MAOB: variants seen among roughly 807,000 people sequenced by gnomAD.
MAOB encodes the protein amine oxidase [flavin-containing] B.
MAOB carries 15 observed loss-of-function variants against 41.9 expected under a neutral mutation model. The ratio of observed to expected loss-of-function variants is 0.36; its 90% CI spans 0.24 to 0.55. The LOEUF is 0.55. MAOB is among the 20% of genes least tolerant of loss of function. The pLI, the probability that MAOB is intolerant of heterozygous loss-of-function variation, is 0.86. For missense variants in MAOB, 345 were observed against 398.7 expected (o/e 0.87, Z 1.15); for synonymous variants, 167 against 144.2 (o/e 1.16, Z -1.13).
chrX:43,845,309 C>A lies in MAOB; in HGVS notation c.47-1545G>T, dbSNP rs192620289. On this transcript the variant is annotated intron_variant, in intron 1 of 14. Transcript: ENST00000378069. ...GCCAAGATGCTCTCATGCCTTACAA[C>A]GTAAATAAAACCGCTTCTATCTTGT... 2.7e-5 allele frequency among the ~76,000 whole-genome samples: 3 copies of A among 111,724 alleles called. No homozygotes were observed. In the East Asian group the frequency reaches 8.4e-4, roughly 31 times the overall value.
Position 43,795,884 on chromosome X carries a change from C to T in MAOB, c.623G>A (p.Arg208Lys). ...TTGACCAGATCCGCCCACAAATTTC[C>T]TCTCCTGGAAAGAGAAAAGGAGGTG... ...IISTTNGGQERKFVGGSGQVS... is the reference protein window; with the variant it reads ...IISTTNGGQEKKFVGGSGQVS... Residue 208 changes from arginine (R) to lysine (K), a missense_variant, in exon 7 of 15, where the codon AGG (arginine) becomes AAG (lysine). Transcript: ENST00000378069. 2.5e-6 allele frequency: 3 copies of T among 1,207,076 alleles called. No homozygotes were observed. The highest frequency in any genetic ancestry group is 3.4e-6 in the Non-Finnish European group (3 of 893,966).
At chrX:43,820,440 G>T (rs1048590354) in intron 3 of MAOB, among the ~76,000 whole-genome samples, 7 of 112,073 alleles carry the variant, frequency 6.2e-5, no homozygotes, top group Non-Finnish European at 1.1e-4. Context: ...TTTCACTACA[G>T]ACATAAAGTG....
intron 7 of MAOB, among the ~76,000 whole-genome samples, chrX:43,794,922 T>C (rs578110208): frequency 3.7e-5 from 4 of 108,382 alleles, no homozygotes; most frequent in Middle Eastern, 4.7e-3. Flanking sequence ...TGGAAAAAAG[T>C]GCTTTTTTCC....
At chrX:43,831,209 G>A (rs1259916238) in intron 3 of MAOB, among the ~76,000 whole-genome samples, 3 of 111,494 alleles carry the variant, frequency 2.7e-5, no homozygotes, top group African/African-American at 6.5e-5. Context: ...TGTAACCCAG[G>A]AGACTGCTGC....
At chrX:43,881,194 C>T (rs1051309352) in intron 1 of MAOB, among the ~76,000 whole-genome samples, 1 of 113,205 alleles carries the variant, frequency 8.8e-6, no homozygotes, top group African/African-American at 3.2e-5. Flanking sequence ...ACCAAACATC[C>T]AATGCCTTGG....
chrX:43,769,311 C>T lies in MAOB; in HGVS notation c.1343G>A (p.Arg448Gln), dbSNP rs1214624832. Reference protein sequence around the residue: ...GAVEAGERAAREILHAMGKIP... With the variant: ...GAVEAGERAAQEILHAMGKIP... ...ATCTATGACCCCAGACCCTACCTCT[C>T]GGGCTGCTCTCTCCCCGGCCTCTAC... Residue 448 changes from arginine (R) to glutamine (Q), a missense_variant, in exon 13 of 15, where the codon CGA becomes CAA. Physicochemically the swap from Arg to Gln is conservative, Grantham distance 43 (BLOSUM62 1). Transcript: ENST00000378069. 4 of 1,202,600 alleles carry T rather than the reference C, an allele frequency of 3.3e-6. No homozygotes were observed. The highest frequency in any genetic ancestry group is 3.6e-5 in the African/African-American group (2 of 55,991).
In MAOB at chrX:43,843,684, T is replaced by C; in HGVS notation, c.127A>G (p.Thr43Ala). Residue 43 changes from threonine (T) to alanine (A), a missense_variant, in exon 2 of 15, where the codon ACT (threonine) becomes GCT (alanine). Coordinates refer to ENST00000378069, the MANE Select transcript of MAOB (RefSeq NM_000898.5). ...TAATGCCTTACCCTAAGAGTGTAAG[T>C]CCTGCCTCCCACACGGTCCCGGGCT... ...LEARDRVGGR[T>A]YTLRNQKVKY... 2.5e-6 allele frequency: 3 copies of C among 1,210,821 alleles called. No individual in the cohort carries two copies. Among genetic ancestry groups the C allele is most frequent in the Non-Finnish European group, 3.4e-6 (3 of 895,003 alleles).
intron 6 of MAOB, among the ~76,000 whole-genome samples, chrX:43,796,296 G>A (rs1054418831): frequency 2.7e-5 from 3 of 111,147 alleles, no homozygotes; most frequent in African/African-American, 9.8e-5. Context: ...TGGCTCAAGC[G>A]CAGAACTTCC....
intron 3 of MAOB, among the ~76,000 whole-genome samples, chrX:43,820,189 G>C (rs1051157317): frequency 3.6e-5 from 4 of 111,948 alleles, no homozygotes; most frequent in African/African-American, 1.3e-4. Flanking sequence ...AGCTGTATTA[G>C]CTTAAGTACA....
At chrX:43,780,439 T>G in intron 9 of MAOB, 44 bp from the exon 10 acceptor site, 1 of 1,025,874 alleles carries the variant, frequency 9.7e-7, no homozygotes, top group Non-Finnish European at 1.4e-6. Context: ...TAATGGTTGG[T>G]TTCATCCTAG....
At chrX:43,877,535 G>A (rs998785730) in intron 1 of MAOB, among the ~76,000 whole-genome samples, 6 of 111,474 alleles carry the variant, frequency 5.4e-5, no homozygotes, top group Non-Finnish European at 1.1e-4. Flanking sequence ...TGTAGATAAC[G>A]CTTGATATGC....
chrX:43,878,250 A>G, intron 1 of MAOB, among the ~76,000 whole-genome samples: 1 of 111,237 alleles, frequency 9.0e-6, no homozygotes, highest in Middle Eastern at 4.7e-3. Context: ...TCCCCCTCCC[A>G]GTCTTTTTTT....
intron 3 of MAOB, among the ~76,000 whole-genome samples, chrX:43,818,279 A>G (rs1490732728): frequency 8.9e-6 from 1 of 112,433 alleles, no homozygotes; most frequent in African/African-American, 3.2e-5. Context: ...GTTGATACAC[A>G]GTTGGGTTGT....
At chrX:43,878,660 G>A (rs2035455384) in intron 1 of MAOB, among the ~76,000 whole-genome samples, 1 of 111,236 alleles carries the variant, frequency 9.0e-6, no homozygotes, top group Admixed American at 9.6e-5. Context: ...GGAGCCCAGG[G>A]AAGTTCTCCA....
intron 5 of MAOB, among the ~76,000 whole-genome samples, chrX:43,797,640 TC>T (rs1250425126): frequency 9.0e-6 from 1 of 111,491 alleles, no homozygotes; most frequent in Non-Finnish European, 1.9e-5. Flanking sequence ...CCATCAATCT[TC>T]CCCCATCCAA....
chrX:43,816,206 ATGTGTAAT>A (rs2034812578), intron 3 of MAOB, among the ~76,000 whole-genome samples: 1 of 111,796 alleles, frequency 8.9e-6, no homozygotes, highest in African/African-American at 3.3e-5. Context: ...CTCCTTGGGG[ATGTGTAAT>A]GCCAGTAAGG....
intron 9 of MAOB, among the ~76,000 whole-genome samples, chrX:43,781,229 A>T (rs1048810250): frequency 4.5e-5 from 5 of 112,144 alleles, no homozygotes; most frequent in African/African-American, 1.6e-4. Flanking sequence ...TAAAAATTTT[A>T]AAATGTTATT....
chrX:43,841,527 A>G (rs2147164757), intron 2 of MAOB, among the ~76,000 whole-genome samples: 1 of 112,047 alleles, frequency 8.9e-6, no homozygotes, highest in East Asian at 2.8e-4. Flanking sequence ...CAAAATGCCA[A>G]TGTTATTTTT....
chrX:43,878,929 C>T (rs748792993), intron 1 of MAOB, among the ~76,000 whole-genome samples: 114 of 112,394 alleles, frequency 1.0e-3, no homozygotes, highest in Non-Finnish European at 1.9e-3. Flanking sequence ...GACCAAATCT[C>T]CTCTCCTAAG....
Sources: allele counts gnomAD v4.1 joint callset (sites outside exome capture counted in the v4.1 genomes callset), GRCh38; gene constraint gnomAD v4.1.1; transcripts MANE v1.5; gene names NCBI Gene and HGNC (gene_info 2026-07-23, HGNC 2026-07-21).